Variants in HMCN1 observed in about 807,000 individuals in gnomAD.
HMCN1 encodes hemicentin 1, also known as hemicentin-1.
A neutral mutation model predicts 625.9 loss-of-function variants in HMCN1; 321 were observed. That is an observed-to-expected ratio of 0.51 (90% confidence interval 0.47 to 0.56). The LOEUF (loss-of-function observed/expected upper bound fraction) is 0.56. HMCN1 is among the 20% of genes least tolerant of loss of function. The pLI, the probability that HMCN1 is intolerant of heterozygous loss-of-function variation, is 0.00. For missense variants in HMCN1, 6,588 were observed against 6,887.3 expected, an observed-to-expected ratio of 0.96 and a Z score of 1.54; for synonymous variants, 2,425 against 2,417.6, an observed-to-expected ratio of 1.00 and a Z score of -0.09.
intron 11 of HMCN1, among the ~76,000 whole-genome samples, chr1:185,939,497 C>A (rs1251333870): frequency 2.0e-5 from 3 of 152,182 alleles, no homozygotes; most frequent in Non-Finnish European, 2.9e-5. Flanking sequence ...GGCAGCAGAA[C>A]TATAAGTGAC....
At chr1:185,930,765 T>A (rs1282272015) in intron 10 of HMCN1, among the ~76,000 whole-genome samples, 3 of 152,166 alleles carry the variant, frequency 2.0e-5, no homozygotes, top group African/African-American at 7.2e-5. Context: ...TTATTGAATA[T>A]AAACACATAG....
chr1:186,063,465 GGAAGGAAGGAAGGAA>G (rs1657897699), intron 48 of HMCN1, among the ~76,000 whole-genome samples: 1 of 76,406 alleles, frequency 1.3e-5, no homozygotes, highest in Non-Finnish European at 2.4e-5. Flanking sequence ...AAGGAAGGAA[GGAAGGAAGGAAGGAA>G]GGAAGGAAGG....
chr1:185,984,417 C>G, intron 19 of HMCN1, 104 bp downstream of exon 19: 5 of 1,081,128 alleles, frequency 4.6e-6, no homozygotes, highest in Non-Finnish European at 7.2e-6. Flanking sequence ...TTAGATATCT[C>G]TCTTAATTGT....
intron 11 of HMCN1, among the ~76,000 whole-genome samples, chr1:185,948,678 T>C (rs555961339): frequency 3.3e-5 from 5 of 151,740 alleles, no homozygotes; most frequent in African/African-American, 9.7e-5. Flanking sequence ...TGGGCATATA[T>C]GTGCAAGTCA....
intron 11 of HMCN1, among the ~76,000 whole-genome samples, chr1:185,952,474 G>A (rs1247214067): frequency 2.6e-5 from 4 of 151,670 alleles, no homozygotes; most frequent in Non-Finnish European, 5.9e-5. Flanking sequence ...GATTTGGGAC[G>A]AGTTGCACTG....
At position 185,993,230 on chromosome 1, in the gene HMCN1, T is replaced by C. The variant is rs886045668; in HGVS notation, c.3426T>C (p.Thr1142=). The change falls in exon 23 of 107, where the codon ACT becomes ACC. Residue 1142 remains threonine (T), a synonymous_variant. Coordinates refer to ENST00000271588, the MANE Select transcript of HMCN1 (RefSeq NM_031935.3). ...SGSMKITETR[T]SDSGMYLCVA... Reference sequence around the variant, plus strand: ...CAATGAAGATCACTGAAACCCGCACTTCAGATAGTGGGATGTATCTTTGTG... The same window carrying C: ...CAATGAAGATCACTGAAACCCGCACCTCAGATAGTGGGATGTATCTTTGTG... 3 of 1,612,890 alleles carry C rather than the reference T, an allele frequency of 1.9e-6. No homozygotes were observed. In the African/African-American group the frequency reaches 4.0e-5, roughly 22 times the overall value.
At chr1:185,804,788 T>G (rs1327096546) in intron 1 of HMCN1, among the ~76,000 whole-genome samples, 1 of 152,138 alleles carries the variant, frequency 6.6e-6, no homozygotes, top group African/African-American at 2.4e-5. Context: ...CTGTCATGGC[T>G]GTAGTAGTTC....
intron 4 of HMCN1, among the ~76,000 whole-genome samples, chr1:185,880,669 T>C (rs1363709889): frequency 2.0e-5 from 3 of 152,218 alleles, no homozygotes; most frequent in Non-Finnish European, 4.4e-5. Flanking sequence ...ATATTTCTGC[T>C]GCCTACCAGA....
At chr1:186,017,554 G>C (rs1265230296) in intron 33 of HMCN1, among the ~76,000 whole-genome samples, 1 of 151,872 alleles carries the variant, frequency 6.6e-6, no homozygotes, top group Admixed American at 6.6e-5. Context: ...AGTCACTATG[G>C]GATATGCAGA....
chr1:186,115,855 A>ATTT (rs5779270), intron 75 of HMCN1, among the ~76,000 whole-genome samples: 8 of 147,478 alleles, frequency 5.4e-5, no homozygotes, highest in South Asian at 2.1e-4. Flanking sequence ...CATTTTCTCC[A>ATTT]TTTTTTTTTT....
chr1:186,060,015 C>T (rs887227995), intron 46 of HMCN1, among the ~76,000 whole-genome samples: 2 of 152,048 alleles, frequency 1.3e-5, no homozygotes, highest in African/African-American at 4.8e-5. Context: ...TGCTTGAATC[C>T]TTCCCTAATT....
At chr1:185,917,409 G>A (rs1666771106) in intron 6 of HMCN1, among the ~76,000 whole-genome samples, 1 of 152,118 alleles carries the variant, frequency 6.6e-6, no homozygotes. Context: ...TTAAGTTGCT[G>A]TCTACACCTA....
At chr1:185,879,994 G>A (rs1664194221) in intron 4 of HMCN1, among the ~76,000 whole-genome samples, 1 of 152,218 alleles carries the variant, frequency 6.6e-6, no homozygotes, top group Non-Finnish European at 1.5e-5. Flanking sequence ...TCTCAAAGGA[G>A]CAGAGCTGTA....
chr1:185,734,691 T>C lies in HMCN1; in HGVS notation c.-89T>C. On this transcript the variant is annotated 5_prime_UTR_variant, in exon 1 of 107. Coordinates refer to ENST00000271588, the MANE Select transcript of HMCN1 (RefSeq NM_031935.3). Reference sequence around the variant, plus strand: ...AGATTCCAAGAGTCTGATGAGTTACTCTGAGAGGAAACCCTCTGCCTGTTG... The same window carrying C: ...AGATTCCAAGAGTCTGATGAGTTACCCTGAGAGGAAACCCTCTGCCTGTTG... 1 of 1,316,382 alleles carries C rather than the reference T, an allele frequency of 7.6e-7. No individual in the cohort carries two copies. Among genetic ancestry groups the C allele is most frequent in the Non-Finnish European group, 1.1e-6 (1 of 916,650 alleles). 81.5% of individuals were successfully genotyped at this position (1,316,382 alleles called of 1,614,324 possible). A position where few individuals can be genotyped will look rare whatever the true frequency, so the allele number is the denominator to read the frequency against.
At chr1:186,129,244 T>C (rs1455434386) in intron 83 of HMCN1, among the ~76,000 whole-genome samples, 2 of 151,580 alleles carry the variant, frequency 1.3e-5, no homozygotes, top group African/African-American at 4.8e-5. Context: ...AAGGTAAACA[T>C]ACGTATTTAG....
chr1:185,787,085 G>A (rs1657640888), intron 1 of HMCN1, among the ~76,000 whole-genome samples: 2 of 151,938 alleles, frequency 1.3e-5, no homozygotes, highest in African/African-American at 2.4e-5. Flanking sequence ...GTTTATATGT[G>A]TGCATTTGTG....
rs894513397 is a variant in HMCN1, at chr1:185,880,372, G to A, written c.621+14509G>A. Reference sequence around the variant, plus strand: ...GGGGATGGCCAAATTTAATGTAGATGTGAATCATGGTAGGTCCAGTTATAA... The same window carrying A: ...GGGGATGGCCAAATTTAATGTAGATATGAATCATGGTAGGTCCAGTTATAA... On this transcript the variant is annotated intron_variant, in intron 4 of 106. Coordinates refer to ENST00000271588, the MANE Select transcript of HMCN1 (RefSeq NM_031935.3). Among the ~76,000 whole-genome samples, 4 of 152,210 alleles carry A rather than the reference G, an allele frequency of 2.6e-5. No individual in the cohort carries two copies. In the East Asian group the frequency reaches 7.7e-4, roughly 29 times the overall value.
chr1:186,188,743 G>GGACT (rs1653516812), intron 106 of HMCN1, among the ~76,000 whole-genome samples: 2 of 152,132 alleles, frequency 1.3e-5, no homozygotes, highest in Non-Finnish European at 2.9e-5. Context: ...AGTCAAGTGT[G>GGACT]GACTGCCCAG....
intron 71 of HMCN1, 123 bp from the exon 72 acceptor site, chr1:186,112,689 G>A (rs1660945826): frequency 8.3e-7 from 1 of 1,200,072 alleles, no homozygotes; most frequent in Non-Finnish European, 1.2e-6. Context: ...TGGAGGAGCA[G>A]ACAAAGCATG....
Sources: allele counts gnomAD v4.1 joint callset (sites outside exome capture counted in the v4.1 genomes callset), GRCh38; gene constraint gnomAD v4.1.1; transcripts MANE v1.5; gene names NCBI Gene and HGNC (gene_info 2026-07-23, HGNC 2026-07-21).